The following RCSD1 variants were observed in gnomAD, a reference collection of about 807,000 sequenced individuals.
The protein encoded by RCSD1 is capZ-interacting protein.
RCSD1 carries 26 observed loss-of-function variants against 42.5 expected under a neutral mutation model. The observed-to-expected ratio is 0.61, with a 90% CI of 0.45 to 0.85. The LOEUF (loss-of-function observed/expected upper bound fraction) is 0.85, where lower values mean the gene tolerates loss of function less well. Among genes scored for constraint, RCSD1 ranks in the 40% least tolerant of loss-of-function variants. RCSD1 has a pLI of 0.00. For missense variants in RCSD1, 571 were observed against 528.3 expected (o/e 1.08, Z -0.79); for synonymous variants, 220 against 212.2 (o/e 1.04, Z -0.32).
intron 4 of RCSD1, among the ~76,000 whole-genome samples, chr1:167,690,896 C>T (rs1336097332): frequency 5.3e-5 from 8 of 152,138 alleles, no homozygotes; most frequent in Non-Finnish European, 1.0e-4. Context: ...ACCCTGTGTG[C>T]CCAGAGCCCT....
intron 1 of RCSD1, among the ~76,000 whole-genome samples, chr1:167,652,018 CT>C (rs66622527): frequency 0.44 from 46,667 of 107,228 alleles, 8,907 homozygotes; most frequent in Middle Eastern, 0.53. Flanking sequence ...CTCTGTTCAT[CT>C]TTTTTTTTTT....
At chr1:167,658,813 T>A (rs1658481597) in intron 1 of RCSD1, among the ~76,000 whole-genome samples, 1 of 152,104 alleles carries the variant, frequency 6.6e-6, no homozygotes, top group Non-Finnish European at 1.5e-5. Flanking sequence ...GTATTTTTTT[T>A]TTGTCTCTAG....
Position 167,707,932 on chromosome 1 carries a change from G to A in RCSD1, c.*3236G>A, listed in dbSNP as rs1659797153. On this transcript the variant is annotated 3_prime_UTR_variant, in exon 7 of 7. Coordinates refer to ENST00000367854, the MANE Select transcript of RCSD1 (RefSeq NM_052862.4). ...GCTGGTCTCAAACTCCTGGCCTCTA[G>A]TGATCTGCCTGCCTCGGTCTCCCAA... 6.6e-6 allele frequency among the ~76,000 whole-genome samples: 1 copy of A among 152,162 alleles called. No homozygotes were observed. The highest frequency in any genetic ancestry group is 2.1e-4 in the South Asian group (1 of 4,834).
intron 1 of RCSD1, 142 bp from the exon 2 acceptor site, chr1:167,683,758 C>A (rs72697727): frequency 0.054 from 43,371 of 801,104 alleles, 1,303 homozygotes; most frequent in Middle Eastern, 0.11. Context: ...TTTTTAAGTC[C>A]TTGAATGCAG....
Position 167,697,166 on chromosome 1 carries a change from G to C in RCSD1, c.542G>C (p.Cys181Ser). 1 of 1,614,208 alleles carries C rather than the reference G, an allele frequency of 6.2e-7. No homozygotes were observed. Among genetic ancestry groups the C allele is most frequent in the South Asian group, 1.1e-5 (1 of 91,084 alleles). ...CGATTCCGAAGGTCACAGTCAGACT[G>C]TGGAGAACTTGGAGATTTCAGGGCG... ...SRRFRRSQSD[C>S]GELGDFRAVE... The change falls in exon 6 of 7, where the codon TGT (cysteine) becomes TCT (serine). Residue 181 changes from cysteine (C) to serine (S), a missense_variant. Physicochemically the swap from Cys to Ser is moderately radical, Grantham distance 112. Transcript: ENST00000367854.
At chr1:167,666,472 GAC>G (rs1658658967) in intron 1 of RCSD1, among the ~76,000 whole-genome samples, 1 of 152,246 alleles carries the variant, frequency 6.6e-6, no homozygotes. Context: ...TCTAAAGAGA[GAC>G]AGTGAGCAGG....
At chr1:167,641,151 T>C (rs1657994587) in intron 1 of RCSD1, among the ~76,000 whole-genome samples, 2 of 152,024 alleles carry the variant, frequency 1.3e-5, no homozygotes, top group South Asian at 2.1e-4. Flanking sequence ...AGAGCTGCAG[T>C]TGGGAGGGGA....
intron 1 of RCSD1, among the ~76,000 whole-genome samples, chr1:167,661,373 C>T (rs1274885029): frequency 6.6e-6 from 1 of 152,224 alleles, no homozygotes; most frequent in Non-Finnish European, 1.5e-5. Context: ...ATCTTCCATG[C>T]CAGCCTGTGC....
intron 1 of RCSD1, among the ~76,000 whole-genome samples, chr1:167,679,397 G>A (rs1659026344): frequency 6.6e-6 from 1 of 152,208 alleles, no homozygotes; most frequent in South Asian, 2.1e-4. Context: ...CATCCTCCTA[G>A]GATAGTAATG....
chr1:167,679,463 T>C (rs922337986), intron 1 of RCSD1, among the ~76,000 whole-genome samples: 1 of 152,330 alleles, frequency 6.6e-6, no homozygotes, highest in Admixed American at 6.5e-5. Flanking sequence ...TAAAGGAAGA[T>C]TCTAGAGTCA....
chr1:167,661,876 G>A (rs1398852018), intron 1 of RCSD1, among the ~76,000 whole-genome samples: 1 of 152,128 alleles, frequency 6.6e-6, no homozygotes, highest in Non-Finnish European at 1.5e-5. Context: ...TTGCTTCTTG[G>A]GCTGAGGGGC....
intron 4 of RCSD1, among the ~76,000 whole-genome samples, chr1:167,690,633 C>A (rs1659352855): frequency 6.6e-6 from 1 of 152,104 alleles, no homozygotes; most frequent in African/African-American, 2.4e-5. Flanking sequence ...GAGGTCACTT[C>A]ACTACACTCC....
intron 1 of RCSD1, among the ~76,000 whole-genome samples, chr1:167,637,390 A>T (rs947755821): frequency 2.6e-5 from 4 of 152,240 alleles, no homozygotes; most frequent in African/African-American, 9.6e-5. Context: ...ATGACATGAC[A>T]TAAAAACATG....
chr1:167,640,235 C>T (rs867713768), intron 1 of RCSD1, among the ~76,000 whole-genome samples: 6 of 152,036 alleles, frequency 3.9e-5, no homozygotes, highest in South Asian at 4.2e-4. Context: ...TTCTGGAGGC[C>T]GGATGTCTAA....
At chr1:167,677,659 C>G (rs985375260) in intron 1 of RCSD1, among the ~76,000 whole-genome samples, 1 of 152,124 alleles carries the variant, frequency 6.6e-6, no homozygotes, top group Non-Finnish European at 1.5e-5. Context: ...GGAAACAGTC[C>G]ACCTATTGCC....
chr1:167,697,570 G>C lies in RCSD1; in HGVS notation c.946G>C (p.Glu316Gln). 1 of 1,607,796 alleles carries C rather than the reference G, an allele frequency of 6.2e-7. No homozygotes were observed. Among genetic ancestry groups the C allele is most frequent in the Non-Finnish European group, 8.5e-7 (1 of 1,177,214 alleles). The stretch of plus-strand genomic sequence containing the variant: ...GGAAGCAGAGATGGAAAAGGCTACA[G>C]AGGTGAAGGGGGAGAGGGTGCAAAA... The part of the protein sequence containing the change: ...GEEAEMEKAT[E>Q]VKGERVQNEE... The change falls in exon 6 of 7, where the codon GAG becomes CAG. Residue 316 changes from glutamate to glutamine, a missense_variant. Transcript: ENST00000367854.
intron 5 of RCSD1, among the ~76,000 whole-genome samples, chr1:167,694,705 C>T (rs1050245693): frequency 1.3e-5 from 2 of 152,214 alleles, no homozygotes; most frequent in African/African-American, 4.8e-5. Context: ...CCCTAGAACT[C>T]CAAAACGTCC....
rs1267707482 is a variant in RCSD1 at position 167,697,153 on chromosome 1, TCA to T, written c.532_533del (p.Gln178ValfsTer21). ...RRPPSRRFRR[S>X]QSDCGELGDF... ...CCCTCCCTCCAGGCGATTCCGAAGG[TCA>T]CAGTCAGACTGTGGAGAACTTGGAG... On this transcript the variant is annotated frameshift_variant, in exon 6 of 7. Transcript: ENST00000367854. LOFTEE classifies it high-confidence loss of function. 1 of 1,614,006 alleles carries T rather than the reference TCA, an allele frequency of 6.2e-7. No individual in the cohort carries two copies. Among genetic ancestry groups the T allele is most frequent in the East Asian group, 2.2e-5 (1 of 44,882 alleles).
At chr1:167,656,395 G>A (rs1658426984) in intron 1 of RCSD1, among the ~76,000 whole-genome samples, 3 of 152,240 alleles carry the variant, frequency 2.0e-5, no homozygotes, top group Non-Finnish European at 2.9e-5. Flanking sequence ...CCTCCTTGTC[G>A]GGCAAATGGA....
Sources: allele counts gnomAD v4.1 joint callset (sites outside exome capture counted in the v4.1 genomes callset), GRCh38; gene constraint gnomAD v4.1.1; transcripts MANE v1.5; gene names NCBI Gene and HGNC (gene_info 2026-07-23, HGNC 2026-07-21).